The following OPCML variants were observed in gnomAD, a reference collection of about 807,000 sequenced individuals.
OPCML encodes the protein opioid binding protein/cell adhesion molecule like, also known as opioid-binding protein/cell adhesion molecule.
Under a neutral mutation model 37.8 loss-of-function variants are expected in OPCML, and 13 were observed. That is an observed-to-expected ratio of 0.34 (90% confidence interval 0.22 to 0.55). The LOEUF (loss-of-function observed/expected upper bound fraction) is 0.55. Among genes scored for constraint, OPCML ranks in the 20% least tolerant of loss-of-function variants. The pLI, the probability that OPCML is intolerant of heterozygous loss-of-function variation, is 0.91. For missense variants in OPCML, 341 were observed against 435.6 expected (o/e 0.78, Z 1.93); for synonymous variants, 176 against 168.8 (o/e 1.04, Z -0.33).
chr11:132,780,321 C>T (rs1228007704), intron 2 of OPCML, among the ~76,000 whole-genome samples: 2 of 152,142 alleles, frequency 1.3e-5, no homozygotes, highest in Admixed American at 6.5e-5. Context: ...GACCGTGAGT[C>T]GCATCAGTAG....
chr11:132,435,296 G>C, intron 7 of OPCML: 19 of 1,270,230 alleles, frequency 1.5e-5, no homozygotes, highest in Non-Finnish European at 2.0e-5. Flanking sequence ...AGTGCTGAAA[G>C]CTTGTGTCTG....
At chr11:133,090,993 T>G (rs150391275) in intron 1 of OPCML, among the ~76,000 whole-genome samples, 4 of 152,212 alleles carry the variant, frequency 2.6e-5, no homozygotes, top group African/African-American at 9.6e-5. Context: ...GCTAAGGCCT[T>G]GAGGGTAGAA....
chr11:132,436,725 C>A lies in OPCML; in HGVS notation c.698G>T (p.Gly233Val). The change falls in exon 6 of 8, where the codon GGC (glycine) becomes GTC (valine). Residue 233 changes from glycine (G) to valine (V), a missense_variant. Physicochemically the swap from Gly to Val is moderately radical, Grantham distance 109. Coordinates refer to ENST00000524381, the MANE Select transcript of OPCML (RefSeq NM_001012393.5). ...KNTGVSVGQK[G>V]ILSCEASAVP... ...TGCAGAGGCTTCACAGCTCAGGATG[C>A]CCTTCTGACCGACTGAAACACCAGT... 1 of 1,614,162 alleles carries A rather than the reference C, an allele frequency of 6.2e-7. No homozygotes were observed. The highest frequency in any genetic ancestry group is 2.2e-5 in the East Asian group (1 of 44,860).
At chr11:132,815,738 TTG>T (rs1322330934) in intron 2 of OPCML, among the ~76,000 whole-genome samples, 1 of 152,216 alleles carries the variant, frequency 6.6e-6, no homozygotes, top group Non-Finnish European at 1.5e-5. Flanking sequence ...TTCTTATTCA[TTG>T]ATTTATTTTC....
chr11:133,522,820 T>G lies in OPCML; in HGVS notation c.61+9444A>C, dbSNP rs539949371. The stretch of plus-strand genomic sequence containing the variant: ...AATGAAAGCACTCAACTAGACAATT[T>G]CCAAGGTCCCTTTTGATTCCAAGGA... On this transcript the variant is annotated intron_variant, in intron 1 of 7. Transcript: ENST00000524381. 6.6e-4 allele frequency among the ~76,000 whole-genome samples: 100 copies of G among 152,312 alleles called. 1 individual carries two copies. Among genetic ancestry groups the G allele is most frequent in the Non-Finnish European group, 1.2e-3 (82 of 68,030 alleles).
At chr11:133,034,197 T>C (rs564543195) in intron 1 of OPCML, among the ~76,000 whole-genome samples, 1 of 152,206 alleles carries the variant, frequency 6.6e-6, no homozygotes, top group East Asian at 1.9e-4. Flanking sequence ...CTATTCTTAC[T>C]AGTCCTAAGT....
intron 2 of OPCML, among the ~76,000 whole-genome samples, chr11:132,710,353 G>A (rs1489524132): frequency 6.6e-6 from 1 of 152,086 alleles, no homozygotes; most frequent in African/African-American, 2.4e-5. Context: ...CTTCTTAAAA[G>A]TTGGAGTCAT....
chr11:132,653,696 G>A (rs955227136), intron 3 of OPCML, among the ~76,000 whole-genome samples: 1 of 152,196 alleles, frequency 6.6e-6, no homozygotes, highest in Admixed American at 6.5e-5. Flanking sequence ...GGAAAGGGCA[G>A]GCAGGAAAGT....
chr11:133,365,997 C>T (rs1944532247), intron 1 of OPCML: 1 of 152,222 alleles, frequency 6.6e-6, no homozygotes, highest in South Asian at 2.1e-4. Flanking sequence ...ACAATGGCTC[C>T]TCTTAGCAAG....
intron 2 of OPCML, among the ~76,000 whole-genome samples, chr11:132,924,002 A>T (rs1301532771): frequency 1.3e-5 from 2 of 151,604 alleles, no homozygotes; most frequent in Non-Finnish European, 1.5e-5. Flanking sequence ...ACCTCAGGTG[A>T]TCCGCCCGCC....
intron 1 of OPCML, among the ~76,000 whole-genome samples, chr11:133,444,719 TA>T (rs1479922658): frequency 6.6e-6 from 1 of 152,180 alleles, no homozygotes; most frequent in African/African-American, 2.4e-5. Flanking sequence ...TCAAATTGCC[TA>T]ATAACATTTC....
intron 1 of OPCML, among the ~76,000 whole-genome samples, chr11:133,432,805 T>C (rs944423113): frequency 6.6e-6 from 1 of 152,162 alleles, no homozygotes; most frequent in African/African-American, 2.4e-5. Context: ...ACTGTGGGAA[T>C]GTTGCATTTT....
At chr11:133,123,274 T>C (rs529948380) in intron 1 of OPCML, among the ~76,000 whole-genome samples, 2 of 152,266 alleles carry the variant, frequency 1.3e-5, no homozygotes, top group African/African-American at 4.8e-5. Context: ...TACCCTTGTA[T>C]TTCTCAGACT....
At chr11:132,854,348 T>C (rs981652522) in intron 2 of OPCML, among the ~76,000 whole-genome samples, 3 of 152,208 alleles carry the variant, frequency 2.0e-5, no homozygotes, top group African/African-American at 4.8e-5. Context: ...AACTCAGTCC[T>C]TCTGGGTTTT....
chr11:132,432,338 C>T (rs2095999884), intron 7 of OPCML, among the ~76,000 whole-genome samples: 1 of 152,092 alleles, frequency 6.6e-6, no homozygotes, highest in Admixed American at 6.5e-5. Flanking sequence ...GCATCCCTGG[C>T]CAGGAGAAAG....
chr11:132,642,404 T>C (rs1940900475), intron 3 of OPCML, among the ~76,000 whole-genome samples: 1 of 152,086 alleles, frequency 6.6e-6, no homozygotes, highest in Non-Finnish European at 1.5e-5. Context: ...AAGAATGTTA[T>C]AAGATATTGA....
chr11:132,950,692 C>T (rs747397016), intron 1 of OPCML, among the ~76,000 whole-genome samples: 9 of 152,110 alleles, frequency 5.9e-5, no homozygotes, highest in Non-Finnish European at 1.3e-4. Flanking sequence ...GCATATTATC[C>T]ATGGAACCCT....
intron 3 of OPCML, among the ~76,000 whole-genome samples, chr11:132,564,919 G>A (rs2096418933): frequency 6.6e-6 from 1 of 152,088 alleles, no homozygotes. Flanking sequence ...TAGGGTCCTG[G>A]GAATGCCAGT....
At chr11:132,721,901 G>A (rs1233495462) in intron 2 of OPCML, among the ~76,000 whole-genome samples, 2 of 151,510 alleles carry the variant, frequency 1.3e-5, no homozygotes, top group Non-Finnish European at 2.9e-5. Flanking sequence ...TTTTAAGAGG[G>A]AGCTGTTTAT....
Sources: gnomAD v4.1 joint callset for allele counts (sites outside exome capture counted in the v4.1 genomes callset) on GRCh38, gnomAD v4.1.1 for gene constraint, MANE v1.5 for transcripts, NCBI Gene and HGNC (gene_info 2026-07-23, HGNC 2026-07-21) for gene names.